LIN52: variants seen among roughly 807,000 people sequenced by gnomAD.
The protein encoded by LIN52 is lin-52 DREAM MuvB core complex component.
Under a neutral mutation model 18.5 loss-of-function variants are expected in LIN52, and 4 were observed. The observed-to-expected ratio is 0.22, with a 90% CI of 0.11 to 0.49. LIN52 has a LOEUF of 0.49. Ranked by LOEUF, LIN52 falls within the 20% of genes least tolerant of loss-of-function variation. The probability of loss-of-function intolerance (pLI) is 0.97; values close to 1 mark genes in which losing one functional copy is unlikely to be tolerated. For synonymous variants in LIN52, 34 were observed against 45.5 expected (o/e 0.75, Z 1.02); for missense variants, 102 against 139.5 (o/e 0.73, Z 1.35).
chr14:74,154,558 C>T (rs995044257), intron 5 of LIN52, among the ~76,000 whole-genome samples: 2 of 152,188 alleles, frequency 1.3e-5, no homozygotes, highest in African/African-American at 4.8e-5. Context: ...ATATGATCTG[C>T]TCATATCCCT....
intron 5 of LIN52, among the ~76,000 whole-genome samples, chr14:74,180,943 C>CA (rs1320953592): frequency 3.3e-5 from 5 of 151,276 alleles, no homozygotes; most frequent in African/African-American, 1.2e-4. Context: ...ACCCTGTCTA[C>CA]AAAAAATAGA....
intron 5 of LIN52, chr14:74,174,613 G>A (rs1312527155): frequency 6.6e-6 from 1 of 152,016 alleles, no homozygotes. Flanking sequence ...GGGAGCAGGG[G>A]CTACCAGTTT....
intron 5 of LIN52, among the ~76,000 whole-genome samples, chr14:74,141,213 T>G (rs1006061947): frequency 1.3e-5 from 2 of 152,246 alleles, no homozygotes; most frequent in Admixed American, 1.3e-4. Context: ...CTGCTGAATT[T>G]ATGAGCGGTA....
chr14:74,169,079 G>A (rs771381915), intron 5 of LIN52, among the ~76,000 whole-genome samples: 46 of 152,146 alleles, frequency 3.0e-4, no homozygotes, highest in Admixed American at 2.6e-4. Flanking sequence ...TTTCCGGAGA[G>A]AAAGGAATGT....
At chr14:74,109,348 GT>G (rs1449923730) in intron 5 of LIN52, among the ~76,000 whole-genome samples, 1 of 152,184 alleles carries the variant, frequency 6.6e-6, no homozygotes, top group Non-Finnish European at 1.5e-5. Context: ...GCCATACATG[GT>G]GATGTGCACC....
intron 5 of LIN52, chr14:74,114,498 A>G: frequency 2.4e-6 from 2 of 846,140 alleles, no homozygotes; most frequent in Non-Finnish European, 2.8e-6. Flanking sequence ...AAATGTCTGG[A>G]TGGGGATGTT....
chr14:74,180,048 G>C (rs2061311529), intron 5 of LIN52, among the ~76,000 whole-genome samples: 1 of 152,150 alleles, frequency 6.6e-6, no homozygotes, highest in South Asian at 2.1e-4. Context: ...ACCACACTCT[G>C]AGAACCACTA....
intron 1 of LIN52, among the ~76,000 whole-genome samples, chr14:74,090,425 T>C (rs1367170792): frequency 6.6e-6 from 1 of 152,114 alleles, no homozygotes; most frequent in East Asian, 1.9e-4. Context: ...AACCTCTGCC[T>C]CCCGGGTTTA....
At chr14:74,146,964 A>G (rs1257774689) in intron 5 of LIN52, among the ~76,000 whole-genome samples, 1 of 152,174 alleles carries the variant, frequency 6.6e-6, no homozygotes, top group African/African-American at 2.4e-5. Context: ...GCTGGAAAAC[A>G]ATATCCACAT....
At position 74,193,422 on chromosome 14, in the gene LIN52, A is replaced by G. The variant is rs573306951; in HGVS notation, c.284-5500A>G. Among the ~76,000 whole-genome samples, 1,053 of 152,168 alleles carry G rather than the reference A, an allele frequency of 6.9e-3. 15 individuals are homozygous for G. The highest frequency in any genetic ancestry group is 0.024 in the African/African-American group (1,013 of 41,506). On this transcript the variant is annotated intron_variant, in intron 5 of 5. Coordinates refer to ENST00000555028, the MANE Select transcript of LIN52 (RefSeq NM_001024674.3). Reference sequence around the variant, plus strand: ...GAACGAGACCTTGTCTCTTATAAAAAAAAAAAAAATCCTTCCATACCTTGT... The same window carrying G: ...GAACGAGACCTTGTCTCTTATAAAAGAAAAAAAAATCCTTCCATACCTTGT...
intron 5 of LIN52, among the ~76,000 whole-genome samples, chr14:74,166,884 A>C (rs1013962998): frequency 1.3e-5 from 2 of 152,196 alleles, no homozygotes; most frequent in Non-Finnish European, 2.9e-5. Flanking sequence ...CTTTTTTGAC[A>C]TGACATTGAA....
At chr14:74,120,329 A>G (rs543036302) in intron 5 of LIN52, among the ~76,000 whole-genome samples, 81 of 152,050 alleles carry the variant, frequency 5.3e-4, no homozygotes, top group Non-Finnish European at 1.0e-3. Context: ...AATCTTTAAA[A>G]AAGTTTTGGC....
rs1595197002 is a variant in LIN52 at position 74,199,075 on chromosome 14, C to T, written c.*98C>T. 2 of 854,704 alleles carry T rather than the reference C, an allele frequency of 2.3e-6. No individual in the cohort carries two copies. The highest frequency in any genetic ancestry group is 3.9e-6 in the Non-Finnish European group (2 of 509,892). The allele number at this position is 854,704 out of a possible 1,614,324, so 52.9% of individuals were successfully genotyped here. Reference sequence around the variant, plus strand: ...ACCTCACTGCTTGCTTGGGAGAGGCCAGAGGGTGTACCTCCAGGACTGCCC... The same window carrying T: ...ACCTCACTGCTTGCTTGGGAGAGGCTAGAGGGTGTACCTCCAGGACTGCCC... On this transcript the variant is annotated 3_prime_UTR_variant, in exon 6 of 6. Transcript: ENST00000555028.
At chr14:74,190,024 A>G (rs1407685630) in intron 5 of LIN52, among the ~76,000 whole-genome samples, 1 of 152,214 alleles carries the variant, frequency 6.6e-6, no homozygotes, top group African/African-American at 2.4e-5. Flanking sequence ...TAATCCCAGC[A>G]CTTTGGGAGA....
intron 5 of LIN52, among the ~76,000 whole-genome samples, chr14:74,177,418 A>G (rs62006778): frequency 0.1 from 15,356 of 152,284 alleles, 851 homozygotes; most frequent in South Asian, 0.18. Flanking sequence ...TAAGATATGC[A>G]TCAGAACACC....
chr14:74,104,667 G>C (rs1320994015), intron 5 of LIN52, among the ~76,000 whole-genome samples: 1 of 149,082 alleles, frequency 6.7e-6, no homozygotes, highest in Non-Finnish European at 1.5e-5. Flanking sequence ...CTTTCTTTTT[G>C]TGATACTAAG....
intron 5 of LIN52, among the ~76,000 whole-genome samples, chr14:74,160,055 A>G (rs34836016): frequency 0.49 from 74,642 of 152,046 alleles, 18,958 homozygotes; most frequent in Non-Finnish European, 0.53. Context: ...CCTGAAAAAG[A>G]TATGTTGGAG....
Position 74,092,241 on chromosome 14 carries a change from G to A in LIN52, c.94+935G>A, listed in dbSNP as rs1328144649. On this transcript the variant is annotated intron_variant, in intron 2 of 5. Coordinates refer to ENST00000555028, the MANE Select transcript of LIN52 (RefSeq NM_001024674.3). ...CCTGCCTCAGCGTCCCAAAGTGCTG[G>A]GATTACAGGTGTGAGCCACCGTGCC... is the stretch of plus-strand genomic sequence containing the variant. Among the ~76,000 whole-genome samples the A allele has an allele frequency of 6.0e-5, 9 of 149,972 alleles. No homozygotes were observed. The East Asian group carries it at 1.8e-3, about 30-fold the overall frequency.
intron 5 of LIN52, among the ~76,000 whole-genome samples, chr14:74,192,291 T>G (rs1254484704): frequency 6.6e-6 from 1 of 152,062 alleles, no homozygotes; most frequent in Non-Finnish European, 1.5e-5. Flanking sequence ...TTTGTTTTTG[T>G]TTTTTGTTTT....
Sources: allele counts gnomAD v4.1 joint callset (sites outside exome capture counted in the v4.1 genomes callset), GRCh38; gene constraint gnomAD v4.1.1; transcripts MANE v1.5; gene names NCBI Gene and HGNC (gene_info 2026-07-23, HGNC 2026-07-21).